Variants in FES observed in about 807,000 individuals in gnomAD.
The protein encoded by FES is tyrosine-protein kinase Fes/Fps.
FES carries 83 observed loss-of-function variants against 109.6 expected under a neutral mutation model. That is an observed-to-expected ratio of 0.76 (90% confidence interval 0.63 to 0.91). FES has a LOEUF of 0.91. FES is among the 40% of genes least tolerant of loss of function. FES has a pLI of 0.00. For missense variants in FES, 943 were observed against 1,070.9 expected, an observed-to-expected ratio of 0.88 and a Z score of 1.67; for synonymous variants, 458 against 442.1, an observed-to-expected ratio of 1.04 and a Z score of -0.45.
chr15:90,890,228 C>A lies in FES; in HGVS notation c.1186C>A (p.Pro396Thr). 6.2e-7 allele frequency: 1 copy of A among 1,600,168 alleles called. No homozygotes were observed. Residue 396 changes from proline to threonine, a missense_variant, in exon 9 of 19, where the codon CCC (proline) becomes ACC (threonine). Pro to Thr is a conservative substitution (Grantham distance 38). Transcript: ENST00000328850. The part of the protein sequence containing the change: ...TKLEHLGPGE[P>T]PPVLLLQDDR... The stretch of plus-strand genomic sequence containing the variant: ...GCTGGAGCACCTGGGCCCCGGCGAG[C>A]CCCCGCCTGTGCTGCTCCTGCAGGA...
chr15:90,885,517 C>T lies in FES; in HGVS notation c.319C>T (p.Arg107Trp), dbSNP rs544318873. ...CCTGAGCAAGCTGAGCCTGCTCATC[C>T]GGGAACGGCAGCAGCTTCGCAAGAC... ...GPLSKLSLLIRERQQLRKTYS... is the reference protein window; with the variant it reads ...GPLSKLSLLIWERQQLRKTYS... The change falls in exon 3 of 19, where the codon CGG becomes TGG. Residue 107 changes from arginine to tryptophan, a missense_variant. Arg to Trp is a moderately radical substitution (Grantham distance 101). Coordinates refer to ENST00000328850, the MANE Select transcript of FES (RefSeq NM_002005.4). The T allele has an allele frequency of 9.3e-6, 15 of 1,613,296 alleles. No individual in the cohort carries two copies. Among genetic ancestry groups the T allele is most frequent in the South Asian group, 8.8e-5 (8 of 91,078 alleles).
At position 90,893,281 on chromosome 15, in the gene FES, C is replaced by A; in HGVS notation, c.1922-10C>A. On this transcript the variant is annotated splice_polypyrimidine_tract_variant and intron_variant, in intron 15 of 18. Transcript: ENST00000328850. Reference sequence around the variant, plus strand: ...TCAGGAGGCTCAGCAGGGGTCCTCCCCACCTGCAGGGGGCGACTTCCTGAC... The same window carrying A: ...TCAGGAGGCTCAGCAGGGGTCCTCCACACCTGCAGGGGGCGACTTCCTGAC... The A allele has an allele frequency of 6.2e-7, 1 of 1,606,902 alleles. No homozygotes were observed. The highest frequency in any genetic ancestry group is 8.5e-7 in the Non-Finnish European group (1 of 1,175,920).
At chr15:90,892,855 T>C (rs2033356833) in intron 14 of FES, 30 bp downstream of exon 14, 1 of 1,596,904 alleles carries the variant, frequency 6.3e-7, no homozygotes, top group Admixed American at 1.7e-5. Flanking sequence ...TCACCACGGG[T>C]CCCGCATACA....
chr15:90,890,280 T>TGAGCTGCCCCATCCGCGGC lies in FES; in HGVS notation c.1236+3_1236+21dup. ...GACCGCCACTCCACGTCGTCCTCGG[T>TGAGCTGCCCCATCCGCGGC]GAGCTGCCCCATCCGCGGCCGCTGC... On this transcript the variant is annotated splice_region_variant and intron_variant, in intron 9 of 18. Coordinates refer to ENST00000328850, the MANE Select transcript of FES (RefSeq NM_002005.4). The TGAGCTGCCCCATCCGCGGC allele has an allele frequency of 6.3e-7, 1 of 1,589,118 alleles. No individual in the cohort carries two copies. The highest frequency in any genetic ancestry group is 8.5e-7 in the Non-Finnish European group (1 of 1,169,964).
chr15:90,893,979 G>A lies in FES; in HGVS notation c.2247G>A (p.Leu749=). ...GCGACGTGTGGAGCTTTGGCATCTT[G>A]CTCTGGGAGACCTTCAGCCTGGGGG... The part of the protein sequence containing the change: ...SESDVWSFGI[L]LWETFSLGAS... The change falls in exon 18 of 19, where the codon TTG becomes TTA. Residue 749 remains leucine (L), a synonymous_variant. Transcript: ENST00000328850. 6.2e-7 allele frequency: 1 copy of A among 1,613,870 alleles called. No individual in the cohort carries two copies. Among genetic ancestry groups the A allele is most frequent in the Non-Finnish European group, 8.5e-7 (1 of 1,180,004 alleles).
chr15:90,892,611 G>C, intron 13 of FES, 96 bp from the exon 14 acceptor site: 1 of 1,240,512 alleles, frequency 8.1e-7, no homozygotes, highest in African/African-American at 1.5e-5. Context: ...GAACACGGGG[G>C]CCCCTCACCC....
rs745869204 is a variant in FES, at chr15:90,885,602, G to T, written c.387+17G>T. The T allele has an allele frequency of 6.2e-7, 1 of 1,607,942 alleles. No homozygotes were observed. Among genetic ancestry groups the T allele is most frequent in the East Asian group, 2.2e-5 (1 of 44,874 alleles). ...CTCACCAAGGTGAGCGGGCAGCACT[G>T]GGGCTTCGGTCATTTCTGTCTAAAT... On this transcript the variant is annotated intron_variant, in intron 3 of 18. Transcript: ENST00000328850.
At position 90,889,450 on chromosome 15, in the gene FES, C is replaced by T; in HGVS notation, c.806+7C>T. 2.5e-6 allele frequency: 4 copies of T among 1,613,974 alleles called. No individual in the cohort carries two copies. Among genetic ancestry groups the T allele is most frequent in the Non-Finnish European group, 3.4e-6 (4 of 1,179,968 alleles). ...GCTTCCTGCGACAGTATGGGTAAGC[C>T]CCGTCCTTGCTCCTGCTGGGCCCAG... On this transcript the variant is annotated splice_region_variant and intron_variant, in intron 6 of 18. Coordinates refer to ENST00000328850, the MANE Select transcript of FES (RefSeq NM_002005.4). This position sits in a 1 kb window ranked among gnomAD's most constrained non-coding sequence, Gnocchi z 6.1.
intron 17 of FES, 43 bp from the exon 18 acceptor site, chr15:90,893,893 G>T: frequency 6.2e-7 from 1 of 1,612,132 alleles, no homozygotes. Context: ...TGGCCCCAGG[G>T]AGGGTGCACT....
chr15:90,885,829 C>T (rs760674877), intron 3 of FES, among the ~76,000 whole-genome samples: 11 of 152,154 alleles, frequency 7.2e-5, no homozygotes, highest in Non-Finnish European at 1.3e-4. Flanking sequence ...GATGAGTGAC[C>T]GGTCACGTGC....
At chr15:90,893,228 C>G in intron 15 of FES, 34 bp downstream of exon 15, 1 of 1,613,344 alleles carries the variant, frequency 6.2e-7, no homozygotes, top group Non-Finnish European at 8.5e-7. Flanking sequence ...AGGTAGGGCG[C>G]GCAGCCTGGT....
chr15:90,889,512 C>G lies in FES; in HGVS notation c.807-5C>G, dbSNP rs772630344. ...TGTCCACTGACGGGGCGCTGTCCCC[C>G]ACAGGTCCGCACCTGACGTCCCACC... On this transcript the variant is annotated splice_region_variant and splice_polypyrimidine_tract_variant and intron_variant, in intron 6 of 18. Coordinates refer to ENST00000328850, the MANE Select transcript of FES (RefSeq NM_002005.4). The surrounding 1 kb of genome is among the most constrained non-coding windows in gnomAD (Gnocchi z 6.1). 12 of 1,613,868 alleles carry G rather than the reference C, an allele frequency of 7.4e-6. No homozygotes were observed. The highest frequency in any genetic ancestry group is 6.7e-5 in the Admixed American group (4 of 60,014).
intron 18 of FES, 92 bp downstream of exon 18, chr15:90,894,150 C>A: frequency 6.9e-7 from 1 of 1,446,572 alleles, no homozygotes; most frequent in South Asian, 1.2e-5. Flanking sequence ...CCAACCTTCC[C>A]ACCAGGCAGA....
At chr15:90,886,455 G>T (rs1027078657) in intron 3 of FES, among the ~76,000 whole-genome samples, 5 of 152,198 alleles carry the variant, frequency 3.3e-5, no homozygotes, top group Non-Finnish European at 7.3e-5. Flanking sequence ...CTGAGGTTGG[G>T]CGCTTGCCCA....
At chr15:90,894,456 G>A (rs187540411) in intron 18 of FES, among the ~76,000 whole-genome samples, 65 of 152,118 alleles carry the variant, frequency 4.3e-4, no homozygotes, top group African/African-American at 1.4e-3. Context: ...ATGGTGGCAC[G>A]TGCCTGTAAT....
intron 5 of FES, among the ~76,000 whole-genome samples, chr15:90,888,352 C>G (rs1230878455): frequency 6.6e-6 from 1 of 152,222 alleles, no homozygotes; most frequent in African/African-American, 2.4e-5. Context: ...AGCGATTTGC[C>G]TGCCTCTGCC....
At chr15:90,884,853 A>G in intron 1 of FES, 184 bp from the exon 2 acceptor site, 1 of 592,650 alleles carries the variant, frequency 1.7e-6, no homozygotes. Context: ...CTAAGGAAGC[A>G]ATGAGGGCCA....
At chr15:90,885,648 T>C (rs1183168849) in intron 3 of FES, 63 bp downstream of exon 3, 3 of 1,560,978 alleles carry the variant, frequency 1.9e-6, no homozygotes, top group Non-Finnish European at 2.6e-6. Flanking sequence ...GAAGGGGTTG[T>C]TTTGCACAAG....
At position 90,890,138 on chromosome 15, in the gene FES, G is replaced by C; in HGVS notation, c.1096G>C (p.Gly366Arg). 4 of 1,587,494 alleles carry C rather than the reference G, an allele frequency of 2.5e-6. No individual in the cohort carries two copies. Among genetic ancestry groups the C allele is most frequent in the Non-Finnish European group, 3.4e-6 (4 of 1,171,946 alleles). ...KRQVLQEALQ[G>R]LQVALCSQAK... ...GCAAGTGCTGCAAGAAGCACTGCAG[G>C]GGCTGCAGGTAGCGCTGTGCAGCCA... Residue 366 changes from glycine to arginine, a missense_variant, in exon 9 of 19, where the codon GGG (glycine) becomes CGG (arginine). Coordinates refer to ENST00000328850, the MANE Select transcript of FES (RefSeq NM_002005.4).
Sources: gnomAD v4.1 joint callset for allele counts (sites outside exome capture counted in the v4.1 genomes callset) on GRCh38, gnomAD v4.1.1 for gene constraint, Gnocchi (gnomAD v3.1) non-coding constraint, MANE v1.5 for transcripts, NCBI Gene and HGNC (gene_info 2026-07-23, HGNC 2026-07-21) for gene names.